Variants in B4GALNT3 observed in about 807,000 individuals in gnomAD.
B4GALNT3 encodes beta-1,4-N-acetyl-galactosaminyltransferase 3, also known as beta-1,4-N-acetylgalactosaminyltransferase 3.
B4GALNT3 carries 86 observed loss-of-function variants against 120.2 expected under a neutral mutation model. The ratio of observed to expected loss-of-function variants is 0.72; its 90% CI spans 0.60 to 0.86. The LOEUF (loss-of-function observed/expected upper bound fraction) is 0.86. B4GALNT3 is among the 40% of genes least tolerant of loss of function. B4GALNT3 has a pLI of 0.00. For missense variants in B4GALNT3, 1,167 were observed against 1,298.9 expected (o/e 0.90, Z 1.56); for synonymous variants, 518 against 510.4 (o/e 1.01, Z -0.20).
At chr12:496,708 G>C (rs10849111) in intron 1 of B4GALNT3, among the ~76,000 whole-genome samples, 22,904 of 152,148 alleles carry the variant, frequency 0.15, 2,278 homozygotes, top group Admixed American at 0.3. Flanking sequence ...ACCCCTAAAG[G>C]AGACTCTGCC....
intron 1 of B4GALNT3, among the ~76,000 whole-genome samples, chr12:513,128 CCTTCCA>C (rs1946614230): frequency 8.1e-6 from 1 of 123,106 alleles, no homozygotes; most frequent in Non-Finnish European, 1.6e-5. Flanking sequence ...CCACCTTCCG[CCTTCCA>C]CCTTCCACCT....
intron 1 of B4GALNT3, among the ~76,000 whole-genome samples, chr12:510,502 G>A (rs1316540899): frequency 1.4e-5 from 2 of 147,364 alleles, no homozygotes; most frequent in Non-Finnish European, 3.0e-5. Context: ...GGAGGGAAAC[G>A]GGCCCTTTCA....
Position 561,519 on chromosome 12 carries a change from A to C in B4GALNT3, c.*68A>C. On this transcript the variant is annotated 3_prime_UTR_variant, in exon 20 of 20. Transcript: ENST00000266383. ...AGCAGTGGCTCCCCAGGGCCCTGCT[A>C]CTGTTCAGGGATGGGGAGTGGGGTG... The C allele has an allele frequency of 1.6e-6, 2 of 1,288,984 alleles. No homozygotes were observed. The highest frequency in any genetic ancestry group is 2.2e-6 in the Non-Finnish European group (2 of 914,914). The allele number at this position is 1,288,984 out of a possible 1,614,324, so 79.8% of individuals were successfully genotyped here.
Position 522,822 on chromosome 12 carries a change from C to T in B4GALNT3, c.170-12344C>T, listed in dbSNP as rs1289940506. Among the ~76,000 whole-genome samples the T allele has an allele frequency of 8.6e-5, 13 of 151,608 alleles. No individual in the cohort carries two copies. In the East Asian group the frequency reaches 2.3e-3, roughly 27 times the overall value. Reference sequence around the variant, plus strand: ...GCATGGTGGCACACGCCTGTGGTCCCAGCTACCTGGGAGCTGAGGTGGGAT... The same window carrying T: ...GCATGGTGGCACACGCCTGTGGTCCTAGCTACCTGGGAGCTGAGGTGGGAT... On this transcript the variant is annotated intron_variant, in intron 1 of 19. Coordinates refer to ENST00000266383, the MANE Select transcript of B4GALNT3 (RefSeq NM_173593.4).
intron 1 of B4GALNT3, among the ~76,000 whole-genome samples, chr12:502,393 G>C (rs1487084432): frequency 6.6e-6 from 1 of 152,108 alleles, no homozygotes; most frequent in Non-Finnish European, 1.5e-5. Context: ...ATACGCTCTG[G>C]GGCCTCCCTT....
rs1182641610 is a variant in B4GALNT3, at chr12:558,586, T to C, written c.2686T>C (p.Cys896Arg). 1.2e-6 allele frequency: 2 copies of C among 1,614,034 alleles called. No homozygotes were observed. Among genetic ancestry groups the C allele is most frequent in the Non-Finnish European group, 8.5e-7 (1 of 1,180,022 alleles). ...AGTCATCGATGCCATTCGGAAGCAC[T>C]GTGTGGAGGGAAAGATGGCCTTTGC... The part of the protein sequence containing the change: ...AGVIDAIRKH[C>R]VEGKMAFAPM... The change falls in exon 18 of 20, where the codon TGT becomes CGT. Residue 896 changes from cysteine to arginine, a missense_variant. Around this residue, in one of 3 missense-constraint regions of B4GALNT3, gnomAD observed 983 missense variants for 1,102.5 expected, o/e 0.89. Coordinates refer to ENST00000266383, the MANE Select transcript of B4GALNT3 (RefSeq NM_173593.4).
intron 18 of B4GALNT3, 30 bp from the exon 19 acceptor site, chr12:559,265 A>C (rs73034167): frequency 0.038 from 61,375 of 1,613,242 alleles, 2,151 homozygotes; most frequent in Admixed American, 0.16. Context: ...CCTCTGGCTC[A>C]TCTCACCCGA....
intron 1 of B4GALNT3, among the ~76,000 whole-genome samples, chr12:473,784 GTT>G (rs768096617): frequency 6.6e-6 from 1 of 152,214 alleles, no homozygotes; most frequent in Non-Finnish European, 1.5e-5. Flanking sequence ...AGTTGGAAGA[GTT>G]TGCCATCACA....
intron 12 of B4GALNT3, 90 bp downstream of exon 12, chr12:552,253 C>A: frequency 8.5e-7 from 1 of 1,177,752 alleles, no homozygotes; most frequent in South Asian, 1.2e-5. Context: ...GATGGTGGCA[C>A]CCCAGCCCAA....
intron 1 of B4GALNT3, among the ~76,000 whole-genome samples, chr12:473,797 G>C (rs1946159234): frequency 6.6e-6 from 1 of 152,204 alleles, no homozygotes; most frequent in Admixed American, 6.5e-5. Flanking sequence ...TGCCATCACA[G>C]AGCATACATT....
chr12:479,002 C>T (rs898085990), intron 1 of B4GALNT3, among the ~76,000 whole-genome samples: 2 of 152,162 alleles, frequency 1.3e-5, no homozygotes, highest in African/African-American at 2.4e-5. Context: ...GAGGTTACAG[C>T]CTCCTTTATA....
intron 18 of B4GALNT3, 48 bp downstream of exon 18, chr12:558,709 G>C: frequency 6.3e-7 from 1 of 1,590,940 alleles, no homozygotes; most frequent in Non-Finnish European, 8.6e-7. Flanking sequence ...CTCTGATCTT[G>C]GCTCTTAACT....
At chr12:502,338 T>C (rs1258424256) in intron 1 of B4GALNT3, among the ~76,000 whole-genome samples, 3 of 152,160 alleles carry the variant, frequency 2.0e-5, no homozygotes, top group Non-Finnish European at 4.4e-5. Context: ...CTGTCGTAGT[T>C]AAGCGCCTCT....
At chr12:462,689 A>C (rs1265628422) in intron 1 of B4GALNT3, among the ~76,000 whole-genome samples, 1 of 152,048 alleles carries the variant, frequency 6.6e-6, no homozygotes, top group African/African-American at 2.4e-5. Context: ...TAGAACCCTG[A>C]AATTCATCTA....
intron 14 of B4GALNT3, among the ~76,000 whole-genome samples, chr12:555,802 T>A (rs1281013095): frequency 1.3e-5 from 2 of 152,078 alleles, no homozygotes; most frequent in African/African-American, 2.4e-5. Flanking sequence ...TTTTTTTTTT[T>A]GAGACGGAGT....
chr12:561,337 C>T lies in B4GALNT3; in HGVS notation c.2889-6C>T, dbSNP rs372523291. The T allele has an allele frequency of 7.0e-5, 113 of 1,609,394 alleles. No homozygotes were observed. The highest frequency in any genetic ancestry group is 4.9e-4 in the Middle Eastern group (3 of 6,066). On this transcript the variant is annotated splice_polypyrimidine_tract_variant and splice_region_variant and intron_variant, in intron 19 of 19. Coordinates refer to ENST00000266383, the MANE Select transcript of B4GALNT3 (RefSeq NM_173593.4). ...TGTTGGCTCATCTGTGTTTCTCCTC[C>T]TCCAGGATACTCCAAGCGGGCCTGG...
intron 1 of B4GALNT3, among the ~76,000 whole-genome samples, chr12:464,810 G>A (rs1946061445): frequency 6.6e-6 from 1 of 152,196 alleles, no homozygotes; most frequent in African/African-American, 2.4e-5. Flanking sequence ...GGCTTTCGCT[G>A]CCTTACCTCT....
chr12:541,851 A>ACC (rs1362289154), intron 3 of B4GALNT3, among the ~76,000 whole-genome samples: 21 of 56,844 alleles, frequency 3.7e-4, no homozygotes, highest in African/African-American at 1.2e-3. Context: ...ACCCCCCCCC[A>ACC]CCCCCCCCCA....
At chr12:468,405 A>C (rs895407266) in intron 1 of B4GALNT3, among the ~76,000 whole-genome samples, 1 of 152,168 alleles carries the variant, frequency 6.6e-6, no homozygotes, top group African/African-American at 2.4e-5. Flanking sequence ...TCCACAAATA[A>C]ATTATTACGT....
Sources: allele counts gnomAD v4.1 joint callset (sites outside exome capture counted in the v4.1 genomes callset), GRCh38; gene constraint gnomAD v4.1.1; regional missense constraint gnomAD v4.1.1; transcripts MANE v1.5; gene names NCBI Gene and HGNC (gene_info 2026-07-23, HGNC 2026-07-21).